The following NBEA variants were observed in gnomAD, a reference collection of about 807,000 sequenced individuals.
The protein encoded by NBEA is neurobeachin.
In NBEA, 44 loss-of-function variants were observed where a neutral mutation model predicts 343.4. That is an observed-to-expected ratio of 0.13 (90% CI 0.10 to 0.16). The LOEUF (loss-of-function observed/expected upper bound fraction) is 0.16. Ranked by LOEUF, NBEA falls within the 10% of genes least tolerant of loss-of-function variation. The probability of loss-of-function intolerance (pLI) is 1.00; values close to 1 mark genes in which losing one functional copy is unlikely to be tolerated. For missense variants in NBEA, 2,555 were observed against 3,631.3 expected (o/e 0.70, Z 7.62); for synonymous variants, 1,175 against 1,238.7 (o/e 0.95, Z 1.08).
At chr13:35,610,147 TC>T (rs1298453496) in intron 48 of NBEA, among the ~76,000 whole-genome samples, 1 of 152,260 alleles carries the variant, frequency 6.6e-6, no homozygotes, top group Admixed American at 6.5e-5. Flanking sequence ...TCTTAGCTGT[TC>T]TGCTGTGTTT....
chr13:35,113,658 T>G (rs993831431), intron 13 of NBEA, among the ~76,000 whole-genome samples: 12 of 152,060 alleles, frequency 7.9e-5, no homozygotes, highest in African/African-American at 2.4e-4. Flanking sequence ...TATATCAGTA[T>G]GGACTCATGT....
chr13:35,509,618 C>G (rs1443253180), intron 41 of NBEA, among the ~76,000 whole-genome samples: 1 of 152,132 alleles, frequency 6.6e-6, no homozygotes, highest in South Asian at 2.1e-4. Flanking sequence ...TAGGCAGCAA[C>G]CTTTGCTGTG....
intron 34 of NBEA, among the ~76,000 whole-genome samples, chr13:35,249,239 G>A (rs1028596706): frequency 6.7e-6 from 1 of 149,908 alleles, no homozygotes; most frequent in Admixed American, 6.6e-5. Flanking sequence ...CAGAAATATA[G>A]GCAACAAGTA....
intron 1 of NBEA, among the ~76,000 whole-genome samples, chr13:34,950,152 G>A (rs745743987): frequency 9.2e-5 from 14 of 152,242 alleles, no homozygotes; most frequent in African/African-American, 1.9e-4. Flanking sequence ...AGAAACTGAC[G>A]TCTGGCCCAA....
At chr13:35,076,951 T>A (rs1461996704) in intron 10 of NBEA, among the ~76,000 whole-genome samples, 1 of 152,046 alleles carries the variant, frequency 6.6e-6, no homozygotes, top group Non-Finnish European at 1.5e-5. Context: ...ATTATTTGCC[T>A]TTATAAAGAG....
chr13:35,327,011 C>G (rs2038609465), intron 36 of NBEA, among the ~76,000 whole-genome samples: 1 of 151,818 alleles, frequency 6.6e-6, no homozygotes, highest in African/African-American at 2.4e-5. Flanking sequence ...ATACAAGCAG[C>G]AACAAACATG....
At chr13:35,254,686 A>T (rs921989890) in intron 34 of NBEA, among the ~76,000 whole-genome samples, 10 of 151,810 alleles carry the variant, frequency 6.6e-5, no homozygotes, top group African/African-American at 2.2e-4. Context: ...TATTTTAAAA[A>T]TTTTTTTTCA....
rs574058736 is a variant in NBEA, at chr13:35,281,530, A to G, written c.5777-8859A>G. Among the ~76,000 whole-genome samples, 3 of 152,176 alleles carry G rather than the reference A, an allele frequency of 2.0e-5. No individual in the cohort carries two copies. In the East Asian group the frequency reaches 5.8e-4, roughly 29 times the overall value. On this transcript the variant is annotated intron_variant, in intron 34 of 58. Coordinates refer to ENST00000379939, the MANE Select transcript of NBEA (RefSeq NM_001385012.1). The stretch of plus-strand genomic sequence containing the variant: ...CTTGAACCTGCCTTAGCCTGAAACC[A>G]TTTTTTTGGTGATTTATGCCTTAAT...
At chr13:35,250,009 A>C (rs2031763562) in intron 34 of NBEA, among the ~76,000 whole-genome samples, 1 of 152,180 alleles carries the variant, frequency 6.6e-6, no homozygotes, top group Admixed American at 6.5e-5. Flanking sequence ...CACTTACACA[A>C]GTTATCTAGA....
chr13:35,050,860 T>C (rs780310853), intron 6 of NBEA, among the ~76,000 whole-genome samples: 3 of 152,038 alleles, frequency 2.0e-5, no homozygotes, highest in Non-Finnish European at 4.4e-5. Context: ...GATGCTTTAA[T>C]AATGCTGGCT....
intron 28 of NBEA, among the ~76,000 whole-genome samples, chr13:35,179,234 C>A (rs1478810239): frequency 6.6e-6 from 1 of 151,552 alleles, no homozygotes; most frequent in Non-Finnish European, 1.5e-5. Flanking sequence ...TTTTTCTTAA[C>A]CCTTAACTGG....
intron 1 of NBEA, among the ~76,000 whole-genome samples, chr13:34,981,032 C>T (rs1226006018): frequency 2.6e-5 from 4 of 152,136 alleles, no homozygotes; most frequent in Non-Finnish European, 5.9e-5. Flanking sequence ...ACTTTTATAA[C>T]ATTTCCGTTA....
chr13:35,281,336 A>G (rs907911399), intron 34 of NBEA, among the ~76,000 whole-genome samples: 3 of 152,168 alleles, frequency 2.0e-5, no homozygotes, highest in African/African-American at 7.2e-5. Context: ...GAGGATTCGT[A>G]AGAAAATTCG....
At chr13:35,178,955 A>G (rs1472529365) in intron 28 of NBEA, among the ~76,000 whole-genome samples, 1 of 151,674 alleles carries the variant, frequency 6.6e-6, no homozygotes, top group Admixed American at 6.6e-5. Context: ...CCAAAGGCAC[A>G]GTCAGACGTA....
intron 40 of NBEA, 60 bp downstream of exon 40, chr13:35,452,295 A>G: frequency 7.8e-7 from 1 of 1,281,590 alleles, no homozygotes; most frequent in East Asian, 2.5e-5. Flanking sequence ...TACTGAATTC[A>G]AAATCTGTCT....
intron 46 of NBEA, among the ~76,000 whole-genome samples, chr13:35,586,820 G>T (rs1302118840): frequency 6.6e-6 from 1 of 152,074 alleles, no homozygotes; most frequent in African/African-American, 2.4e-5. Context: ...CTCACAAGAG[G>T]CAAATGCTTT....
chr13:35,083,299 C>T (rs1217946840), intron 10 of NBEA, among the ~76,000 whole-genome samples: 2 of 152,072 alleles, frequency 1.3e-5, no homozygotes, highest in South Asian at 2.1e-4. Flanking sequence ...GTACCAGTAC[C>T]ATGCTGTTTT....
intron 41 of NBEA, among the ~76,000 whole-genome samples, chr13:35,511,674 G>A (rs1201631621): frequency 6.6e-6 from 1 of 152,046 alleles, no homozygotes; most frequent in Non-Finnish European, 1.5e-5. Flanking sequence ...ACTGCTATTA[G>A]TAAGGCAGCA....
At chr13:35,099,928 T>C (rs2065554600) in intron 11 of NBEA, among the ~76,000 whole-genome samples, 1 of 152,168 alleles carries the variant, frequency 6.6e-6, no homozygotes, top group Admixed American at 6.5e-5. Flanking sequence ...ATGTCTTTTA[T>C]TAGCACTCTC....
Sources: gnomAD v4.1 joint callset for allele counts (sites outside exome capture counted in the v4.1 genomes callset) on GRCh38, gnomAD v4.1.1 for gene constraint, MANE v1.5 for transcripts, NCBI Gene and HGNC (gene_info 2026-07-23, HGNC 2026-07-21) for gene names.